Variants in FCRL5 observed in about 807,000 individuals in gnomAD.
FCRL5 encodes Fc receptor like 5, also known as Fc receptor-like protein 5.
A neutral mutation model predicts 92.1 loss-of-function variants in FCRL5; 79 were observed. That is an observed-to-expected ratio of 0.86 (90% CI 0.72 to 1.03). The LOEUF (loss-of-function observed/expected upper bound fraction) is 1.03. FCRL5 is among the 50% of genes least tolerant of loss of function. FCRL5 has a pLI of 0.00. For synonymous variants in FCRL5, 466 were observed against 469.3 expected, an observed-to-expected ratio of 0.99 and a Z score of 0.09; for missense variants, 1,160 against 1,181.1, an observed-to-expected ratio of 0.98 and a Z score of 0.26.
At chr1:157,541,626 A>T (rs1415650257) in intron 6 of FCRL5, among the ~76,000 whole-genome samples, 1 of 151,950 alleles carries the variant, frequency 6.6e-6, no homozygotes, top group Non-Finnish European at 1.5e-5. Flanking sequence ...CTTCCAAGAA[A>T]TTTTTTCTCA....
intron 14 of FCRL5, 60 bp downstream of exon 14, chr1:157,518,640 C>T (rs1434700968): frequency 2.2e-5 from 33 of 1,527,680 alleles, no homozygotes; most frequent in Non-Finnish European, 3.0e-5. Flanking sequence ...ATCTCCTGCC[C>T]CACCGCTTTC....
At chr1:157,523,613 C>A (rs1650297262) in intron 10 of FCRL5, among the ~76,000 whole-genome samples, 1 of 152,214 alleles carries the variant, frequency 6.6e-6, no homozygotes, top group Admixed American at 6.5e-5. Context: ...AGATTCAGAG[C>A]TCACTAGAAG....
rs1651327328 is a variant in FCRL5 at position 157,542,779 on chromosome 1, G to A, written c.1123+80C>T. 8 of 1,484,834 alleles carry A rather than the reference G, an allele frequency of 5.4e-6. No individual in the cohort carries two copies. In the South Asian group the frequency reaches 1.0e-4, roughly 19 times the overall value. 92.0% of individuals were successfully genotyped at this position (1,484,834 alleles called of 1,614,324 possible). ...AGAAAGAAACTGAGGATACTGGAAG[G>A]TATATGCTGACTTCCGAAGGGCAGG... On this transcript the variant is annotated intron_variant, in intron 6 of 16. Transcript: ENST00000361835.
intron 11 of FCRL5, 69 bp from the exon 12 acceptor site, chr1:157,520,616 T>C: frequency 8.0e-7 from 1 of 1,252,952 alleles, no homozygotes; most frequent in Non-Finnish European, 1.1e-6. Context: ...TCCCGGAAGC[T>C]GCTGCCTGGG....
chr1:157,549,468 G>C, intron 2 of FCRL5, 92 bp downstream of exon 2: 1 of 1,157,682 alleles, frequency 8.6e-7, no homozygotes, highest in Non-Finnish European at 1.3e-6. Flanking sequence ...AGATATTGGA[G>C]ATCTCAGGCA....
intron 9 of FCRL5, among the ~76,000 whole-genome samples, chr1:157,526,993 G>T (rs1650459139): frequency 6.6e-6 from 1 of 152,202 alleles, no homozygotes; most frequent in Admixed American, 6.5e-5. Flanking sequence ...AGATTATGGA[G>T]TATGGAGAAA....
intron 13 of FCRL5, 79 bp downstream of exon 13, chr1:157,519,664 G>T: frequency 6.8e-7 from 1 of 1,478,718 alleles, no homozygotes; most frequent in Non-Finnish European, 9.5e-7. Flanking sequence ...CTGTGCTCTT[G>T]GTAATCATCA....
At chr1:157,531,241 T>G (rs1463446542) in intron 8 of FCRL5, among the ~76,000 whole-genome samples, 1 of 152,164 alleles carries the variant, frequency 6.6e-6, no homozygotes, top group Admixed American at 6.5e-5. Context: ...CACTAATTAT[T>G]GGGGAAATAC....
intron 12 of FCRL5, 57 bp from the exon 13 acceptor site, chr1:157,519,827 A>G (rs765376362): frequency 1.8e-4 from 281 of 1,566,770 alleles, no homozygotes; most frequent in Middle Eastern, 7.0e-4. Context: ...TCAGTGGGGC[A>G]CAGCTCAGGC....
chr1:157,515,619 C>T lies in FCRL5; in HGVS notation c.*56G>A. The T allele has an allele frequency of 6.2e-7, 1 of 1,613,984 alleles. No homozygotes were observed. Among genetic ancestry groups the T allele is most frequent in the South Asian group, 1.1e-5 (1 of 90,992 alleles). On this transcript the variant is annotated 3_prime_UTR_variant, in exon 17 of 17. Transcript: ENST00000361835. ...TTCCCACTTCAATGCTGCTTCTCCC[C>T]CAAGGGGAACTTTGGGGTGCAGAGG...
chr1:157,518,805 T>A (rs1269840834), intron 13 of FCRL5, 23 bp from the exon 14 acceptor site: 2 of 1,587,722 alleles, frequency 1.3e-6, no homozygotes, highest in African/African-American at 1.3e-5. Context: ...GAAATGTGAA[T>A]GTTTCTTAGG....
At chr1:157,530,019 A>G (rs12117143) in intron 8 of FCRL5, among the ~76,000 whole-genome samples, 1 of 152,318 alleles carries the variant, frequency 6.6e-6, no homozygotes, top group East Asian at 1.9e-4. Context: ...ACTTTACAGA[A>G]TTATCTAAGT....
Position 157,547,448 on chromosome 1 carries a change from T to G in FCRL5, c.53-251A>C. ...CACCAGCAGGATTCGCCATCAAATA[T>G]CACAGTTAGGTAGCCTTACATGGAA... On this transcript the variant is annotated intron_variant, in intron 2 of 16. Coordinates refer to ENST00000361835, the MANE Select transcript of FCRL5 (RefSeq NM_031281.3). 5.8e-6 allele frequency: 4 copies of G among 684,264 alleles called. No homozygotes were observed. The South Asian group carries it at 6.1e-5, about 10-fold the overall frequency. The allele number at this position is 684,264 out of a possible 1,614,324, so 42.4% of individuals were successfully genotyped here. A position where few individuals can be genotyped will look rare whatever the true frequency, so the allele number is the denominator to read the frequency against.
intron 8 of FCRL5, among the ~76,000 whole-genome samples, chr1:157,530,609 C>T (rs1650654600): frequency 6.6e-6 from 1 of 152,234 alleles, no homozygotes. Context: ...ATCTGCCCGC[C>T]TCGGCCTCCC....
At chr1:157,542,786 C>A (rs140433129) in intron 6 of FCRL5, 73 bp downstream of exon 6, 28 of 1,532,054 alleles carry the variant, frequency 1.8e-5, no homozygotes, top group Non-Finnish European at 2.3e-5. Flanking sequence ...AAGGTATATG[C>A]TGACTTCCGA....
chr1:157,518,989 C>T (rs1012425115), intron 13 of FCRL5: 29 of 463,144 alleles, frequency 6.3e-5, no homozygotes, highest in African/African-American at 5.7e-4. Context: ...TAGTGTGTAA[C>T]AGGCATGGTG....
Position 157,530,306 on chromosome 1 carries a change from C to T in FCRL5, c.1682-2411G>A, listed in dbSNP as rs866604285. On this transcript the variant is annotated intron_variant, in intron 8 of 16. Coordinates refer to ENST00000361835, the MANE Select transcript of FCRL5 (RefSeq NM_031281.3). ...CATCTTTATTAAAGCATAATTTACA[C>T]ACAATAAAGTATAACTTTTACATTT... Among the ~76,000 whole-genome samples, 39 of 152,176 alleles carry T rather than the reference C, an allele frequency of 2.6e-4. 1 individual carries two copies. Among genetic ancestry groups the T allele is most frequent in the Admixed American group, 2.0e-4 (3 of 15,284 alleles).
intron 1 of FCRL5, among the ~76,000 whole-genome samples, chr1:157,551,638 G>C (rs1651816023): frequency 6.6e-6 from 1 of 152,134 alleles, no homozygotes; most frequent in South Asian, 2.1e-4. Context: ...CTCAGCACCT[G>C]TGCATAGATA....
chr1:157,546,913 A>G, intron 3 of FCRL5, 30 bp downstream of exon 3: 1 of 1,600,726 alleles, frequency 6.2e-7, no homozygotes, highest in South Asian at 1.1e-5. Context: ...ATTGATTTCT[A>G]AAGTTGGTGC....
Sources: gnomAD v4.1 joint callset for allele counts (sites outside exome capture counted in the v4.1 genomes callset) on GRCh38, gnomAD v4.1.1 for gene constraint, MANE v1.5 for transcripts, NCBI Gene and HGNC (gene_info 2026-07-23, HGNC 2026-07-21) for gene names.